MTUS2: variants seen among roughly 807,000 people sequenced by gnomAD.
The protein encoded by MTUS2 is microtubule-associated tumor suppressor candidate 2.
A neutral mutation model predicts 114.1 loss-of-function variants in MTUS2; 40 were observed. That is an observed-to-expected ratio of 0.35 (90% CI 0.27 to 0.46). The LOEUF is 0.46. MTUS2 is among the 20% of genes least tolerant of loss of function. The pLI, the probability that MTUS2 is intolerant of heterozygous loss-of-function variation, is 1.00. For missense variants in MTUS2, 1,679 were observed against 1,705.4 expected (o/e 0.98, Z 0.27); for synonymous variants, 688 against 672.0 (o/e 1.02, Z -0.37).
chr13:28,837,291 C>T (rs1295150962), intron 1 of MTUS2, among the ~76,000 whole-genome samples: 2 of 152,216 alleles, frequency 1.3e-5, no homozygotes, highest in Non-Finnish European at 2.9e-5. Context: ...TATGCAGCCA[C>T]CTGTTTCGGG....
At chr13:28,987,603 C>T (rs1179507705) in intron 2 of MTUS2, among the ~76,000 whole-genome samples, 2 of 152,062 alleles carry the variant, frequency 1.3e-5, no homozygotes, top group South Asian at 2.1e-4. Context: ...GGGTGGGGGC[C>T]GTCCCTGAGA....
intron 6 of MTUS2, among the ~76,000 whole-genome samples, chr13:29,322,804 C>A (rs1900309219): frequency 6.6e-6 from 1 of 152,056 alleles, no homozygotes; most frequent in South Asian, 2.1e-4. Flanking sequence ...GTTTGGGGAC[C>A]AACAAGGCTG....
chr13:29,193,886 A>C (rs1309400141), intron 5 of MTUS2, among the ~76,000 whole-genome samples: 2 of 152,194 alleles, frequency 1.3e-5, no homozygotes, highest in Non-Finnish European at 2.9e-5. Flanking sequence ...GTACTGGTAC[A>C]AAAACAGAGA....
intron 4 of MTUS2, among the ~76,000 whole-genome samples, chr13:29,076,481 G>T (rs1288729811): frequency 6.6e-6 from 1 of 152,208 alleles, no homozygotes; most frequent in Non-Finnish European, 1.5e-5. Flanking sequence ...TCATGAGTTT[G>T]CAGTCAGATT....
intron 6 of MTUS2, among the ~76,000 whole-genome samples, chr13:29,303,610 C>G (rs1269649776): frequency 1.3e-5 from 2 of 152,048 alleles, no homozygotes; most frequent in East Asian, 3.8e-4. Context: ...AAGCAATGAA[C>G]AAAACCTCTG....
chr13:29,157,504 A>C (rs1470735309), intron 5 of MTUS2, among the ~76,000 whole-genome samples: 1 of 152,188 alleles, frequency 6.6e-6, no homozygotes, highest in Non-Finnish European at 1.5e-5. Context: ...ACGTTGACCC[A>C]TGTTAACCAA....
chr13:29,095,451 T>A (rs1201166904), intron 4 of MTUS2, among the ~76,000 whole-genome samples: 5 of 152,192 alleles, frequency 3.3e-5, no homozygotes, highest in Admixed American at 6.5e-5. Context: ...CTTTCTACAC[T>A]TCTTACTATG....
intron 2 of MTUS2, among the ~76,000 whole-genome samples, chr13:28,880,102 T>G (rs1427605819): frequency 6.6e-6 from 1 of 152,218 alleles, no homozygotes; most frequent in Admixed American, 6.5e-5. Context: ...ACCAACATGT[T>G]GTCTCACTGT....
At chr13:28,861,455 T>TTA (rs397821807) in intron 2 of MTUS2, among the ~76,000 whole-genome samples, 7 of 151,194 alleles carry the variant, frequency 4.6e-5, no homozygotes, top group South Asian at 4.2e-4. Context: ...TTTTTTTTTT[T>TTA]ACCCTTAATG....
At chr13:29,022,919 G>T (rs763530415) in intron 2 of MTUS2, among the ~76,000 whole-genome samples, 1 of 152,152 alleles carries the variant, frequency 6.6e-6, no homozygotes, top group African/African-American at 2.4e-5. Context: ...CATTTGTGCT[G>T]CAAATACATA....
chr13:29,208,451 T>C (rs570394343), intron 5 of MTUS2, among the ~76,000 whole-genome samples: 88 of 152,240 alleles, frequency 5.8e-4, no homozygotes, highest in African/African-American at 2.0e-3. Flanking sequence ...ATCTTTGTTA[T>C]TTCTTTTCTT....
intron 5 of MTUS2, among the ~76,000 whole-genome samples, chr13:29,112,515 G>A (rs1566014941): frequency 6.6e-6 from 1 of 152,174 alleles, no homozygotes; most frequent in Non-Finnish European, 1.5e-5. Flanking sequence ...GAAGGTAAAG[G>A]TGGAGAGTGT....
intron 2 of MTUS2, among the ~76,000 whole-genome samples, chr13:28,994,164 T>A (rs1320498915): frequency 4.6e-5 from 7 of 152,162 alleles, no homozygotes; most frequent in African/African-American, 1.7e-4. Flanking sequence ...TGGTTTTTTG[T>A]CCTTGGGATA....
intron 2 of MTUS2, among the ~76,000 whole-genome samples, chr13:28,922,645 G>A (rs570097943): frequency 1.3e-5 from 2 of 152,096 alleles, no homozygotes; most frequent in African/African-American, 2.4e-5. Context: ...CAGTCATTGC[G>A]CTCTCCCTCT....
At chr13:29,428,364 A>T (rs904729774) in intron 8 of MTUS2, among the ~76,000 whole-genome samples, 2 of 152,266 alleles carry the variant, frequency 1.3e-5, no homozygotes, top group African/African-American at 4.8e-5. Context: ...CCTGAAGCCC[A>T]GGCTCGCCTT....
chr13:28,970,958 A>G (rs1883827216), intron 2 of MTUS2, among the ~76,000 whole-genome samples: 2 of 152,184 alleles, frequency 1.3e-5, no homozygotes, highest in Admixed American at 1.3e-4. Context: ...TATCCTGTGG[A>G]TTTGTGATTT....
rs748722896 is a variant in MTUS2 at position 28,899,495 on chromosome 13, C to T, written c.-243+59645C>T. On this transcript the variant is annotated intron_variant, in intron 2 of 15. Transcript: ENST00000612955. ...CGTGATCTCGGCTCATTGCAAGCTC[C>T]GCCTCCCAGGTTCACGCCATTCTCC... Among the ~76,000 whole-genome samples the T allele has an allele frequency of 6.0e-4, 92 of 152,128 alleles. 1 individual carries two copies. Among genetic ancestry groups the T allele is most frequent in the Non-Finnish European group, 9.9e-4 (67 of 67,984 alleles).
intron 5 of MTUS2, among the ~76,000 whole-genome samples, chr13:29,107,743 C>T (rs912476136): frequency 3.9e-5 from 6 of 152,108 alleles, no homozygotes; most frequent in Non-Finnish European, 5.9e-5. Flanking sequence ...TGAGGCTATT[C>T]GTGAGAGAAT....
At chr13:29,000,109 T>C (rs1885316409) in intron 2 of MTUS2, among the ~76,000 whole-genome samples, 1 of 152,206 alleles carries the variant, frequency 6.6e-6, no homozygotes, top group African/African-American at 2.4e-5. Context: ...TTTTGACGTA[T>C]TGCTTTCATC....
Sources: allele counts gnomAD v4.1 joint callset (sites outside exome capture counted in the v4.1 genomes callset), GRCh38; gene constraint gnomAD v4.1.1; transcripts MANE v1.5; gene names NCBI Gene and HGNC (gene_info 2026-07-23, HGNC 2026-07-21).